The following PDE4B variants were observed in gnomAD, a reference collection of about 807,000 sequenced individuals.
The protein encoded by PDE4B is 3',5'-cyclic-AMP phosphodiesterase 4B.
Under a neutral mutation model 82.2 loss-of-function variants are expected in PDE4B, and 20 were observed. That is an observed-to-expected ratio of 0.24 (90% confidence interval 0.17 to 0.35). PDE4B has a LOEUF of 0.35. Among genes scored for constraint, PDE4B ranks in the 10% least tolerant of loss-of-function variants. The pLI, the probability that PDE4B is intolerant of heterozygous loss-of-function variation, is 1.00. For synonymous variants in PDE4B, 320 were observed against 318.9 expected, an observed-to-expected ratio of 1.00 and a Z score of -0.04; for missense variants, 655 against 907.2, an observed-to-expected ratio of 0.72 and a Z score of 3.57.
intron 8 of PDE4B, among the ~76,000 whole-genome samples, chr1:66,350,277 G>T (rs1192889828): frequency 1.3e-5 from 2 of 152,098 alleles, no homozygotes; most frequent in African/African-American, 2.4e-5. Flanking sequence ...AAAACAGGAA[G>T]ATCCCACACA....
In PDE4B at chr1:66,214,029, T is replaced by C. The variant is rs562203141; in HGVS notation, c.282-33431T>C. Among the ~76,000 whole-genome samples the C allele has an allele frequency of 3.3e-5, 5 of 152,284 alleles. No homozygotes were observed. The East Asian group carries it at 7.7e-4, about 24-fold the overall frequency. The stretch of plus-strand genomic sequence containing the variant: ...TACAGGTGCCTACAGTAAAAAATAA[T>C]ATTTTTGTATCAAAAAGATGAGACA... On this transcript the variant is annotated intron_variant, in intron 3 of 16. Transcript: ENST00000341517.
At chr1:65,905,291 G>A (rs1569629335) in intron 1 of PDE4B, among the ~76,000 whole-genome samples, 1 of 152,262 alleles carries the variant, frequency 6.6e-6, no homozygotes, top group East Asian at 1.9e-4. Flanking sequence ...GCTGAAGGCT[G>A]AAGAATGGGT....
intron 3 of PDE4B, among the ~76,000 whole-genome samples, chr1:66,214,902 G>C (rs534155934): frequency 1.3e-5 from 2 of 152,268 alleles, no homozygotes; most frequent in African/African-American, 4.8e-5. Flanking sequence ...TCATGACCTT[G>C]TTGGAAGAAG....
chr1:66,346,363 G>T (rs1249328276), intron 8 of PDE4B, among the ~76,000 whole-genome samples: 1 of 152,176 alleles, frequency 6.6e-6, no homozygotes, highest in Non-Finnish European at 1.5e-5. Flanking sequence ...AAGTTGTAAA[G>T]TGTCTTAATT....
At chr1:65,854,671 A>C (rs1168775546) in intron 1 of PDE4B, among the ~76,000 whole-genome samples, 1 of 152,086 alleles carries the variant, frequency 6.6e-6, no homozygotes, top group Non-Finnish European at 1.5e-5. Context: ...TTAAATATGA[A>C]GTGTGTGATA....
chr1:66,139,005 C>T (rs868230978), intron 3 of PDE4B, among the ~76,000 whole-genome samples: 8 of 152,294 alleles, frequency 5.3e-5, no homozygotes, highest in South Asian at 2.1e-4. Flanking sequence ...ATCAACATAT[C>T]AAAGGTATAC....
chr1:66,215,181 A>G (rs2101587732), intron 3 of PDE4B, among the ~76,000 whole-genome samples: 1 of 152,336 alleles, frequency 6.6e-6, no homozygotes, highest in South Asian at 2.1e-4. Context: ...ATCTCTTTCA[A>G]CAGCTAGCAG....
At position 66,079,007 on chromosome 1, in the gene PDE4B, A is replaced by G. The variant is rs184499151; in HGVS notation, c.281+160172A>G. Among the ~76,000 whole-genome samples, 46 of 152,132 alleles carry G rather than the reference A, an allele frequency of 3.0e-4. 3 individuals carry two copies. In the East Asian group the frequency reaches 8.1e-3, roughly 27 times the overall value. On this transcript the variant is annotated intron_variant, in intron 3 of 16. Coordinates refer to ENST00000341517, the MANE Select transcript of PDE4B (RefSeq NM_002600.4). The stretch of plus-strand genomic sequence containing the variant: ...AAATACATGTAGATATAATGAATAA[A>G]CCCTGATGATAAAAAATGGGATGGA...
Position 66,368,912 on chromosome 1 carries a change from G to A in PDE4B, c.1788G>A (p.Arg596=), listed in dbSNP as rs114211692. Residue 596 remains arginine, a synonymous_variant, in exon 16 of 17, where the codon AGG becomes AGA. Transcript: ENST00000341517. The part of the protein sequence containing the change: ...FFQQGDKERE[R]GMEISPMCDK... ...AGCAGGGAGACAAAGAGCGGGAGAGGGGAATGGAAATTAGCCCAATGTGTG... is the reference window on the plus strand; with the variant it reads ...AGCAGGGAGACAAAGAGCGGGAGAGAGGAATGGAAATTAGCCCAATGTGTG... The A allele has an allele frequency of 4.8e-3, 7,805 of 1,613,404 alleles. 55 individuals are homozygous for A. Among genetic ancestry groups the A allele is most frequent in the Middle Eastern group, 0.013 (81 of 6,058 alleles).
At chr1:66,232,403 C>T (rs899884427) in intron 3 of PDE4B, among the ~76,000 whole-genome samples, 1 of 152,100 alleles carries the variant, frequency 6.6e-6, no homozygotes, top group African/African-American at 2.4e-5. Context: ...ATACAGTGTG[C>T]TAGCCTTGTT....
chr1:66,175,107 T>G (rs1646909254), intron 3 of PDE4B, among the ~76,000 whole-genome samples: 1 of 152,244 alleles, frequency 6.6e-6, no homozygotes, highest in Admixed American at 6.5e-5. Flanking sequence ...ATTACAATTC[T>G]AGATGAGATT....
chr1:66,289,841 G>A (rs1329711085), intron 7 of PDE4B, among the ~76,000 whole-genome samples: 1 of 152,042 alleles, frequency 6.6e-6, no homozygotes, highest in East Asian at 1.9e-4. Flanking sequence ...AAGAATGGTA[G>A]CAGGAGGAAG....
intron 3 of PDE4B, among the ~76,000 whole-genome samples, chr1:66,102,787 C>T (rs747029676): frequency 6.6e-6 from 1 of 152,016 alleles, no homozygotes; most frequent in Non-Finnish European, 1.5e-5. Context: ...AGGACTTTAT[C>T]AATGACAGGA....
At chr1:65,897,738 T>C (rs1227992351) in intron 1 of PDE4B, among the ~76,000 whole-genome samples, 2 of 152,138 alleles carry the variant, frequency 1.3e-5, no homozygotes, top group African/African-American at 4.8e-5. Context: ...CTACCATTGA[T>C]GGGCACACAG....
chr1:66,153,166 C>A (rs1228802865), intron 3 of PDE4B, among the ~76,000 whole-genome samples: 1 of 152,172 alleles, frequency 6.6e-6, no homozygotes, highest in African/African-American at 2.4e-5. Flanking sequence ...TGCAAAGCTG[C>A]TCTGAAGAAG....
At chr1:66,110,315 G>A (rs141456804) in intron 3 of PDE4B, among the ~76,000 whole-genome samples, 1 of 152,038 alleles carries the variant, frequency 6.6e-6, no homozygotes, top group Admixed American at 6.6e-5. Flanking sequence ...GGGACTGAGA[G>A]CTCTTCACTA....
At chr1:66,327,622 T>C (rs1659832764) in intron 7 of PDE4B, among the ~76,000 whole-genome samples, 1 of 152,242 alleles carries the variant, frequency 6.6e-6, no homozygotes, top group African/African-American at 2.4e-5. Context: ...ATATTTTTCT[T>C]ATCCTCATTT....
At chr1:66,110,163 T>A (rs1006539830) in intron 3 of PDE4B, among the ~76,000 whole-genome samples, 2 of 151,830 alleles carry the variant, frequency 1.3e-5, no homozygotes, top group African/African-American at 4.8e-5. Context: ...AACCTGATTT[T>A]AAAATTATTG....
intron 8 of PDE4B, among the ~76,000 whole-genome samples, chr1:66,340,834 G>T (rs938212198): frequency 2.0e-5 from 3 of 152,066 alleles, no homozygotes; most frequent in African/African-American, 7.2e-5. Context: ...AAAGAAAATA[G>T]TAAAAAGAAA....
Sources: allele counts gnomAD v4.1 joint callset (sites outside exome capture counted in the v4.1 genomes callset), GRCh38; gene constraint gnomAD v4.1.1; transcripts MANE v1.5; gene names NCBI Gene and HGNC (gene_info 2026-07-23, HGNC 2026-07-21).